The following ACVR1 variants were observed in gnomAD, a reference collection of about 807,000 sequenced individuals.
ACVR1 encodes the protein activin receptor type-1.
In ACVR1, 38 loss-of-function variants were observed where a neutral mutation model predicts 57.1. That is an observed-to-expected ratio of 0.67 (90% CI 0.51 to 0.87). The LOEUF (loss-of-function observed/expected upper bound fraction) is 0.87, where lower values mean the gene tolerates loss of function less well. Ranked by LOEUF, ACVR1 falls within the 40% of genes least tolerant of loss-of-function variation. The probability of loss-of-function intolerance (pLI) is 0.00; values close to 1 mark genes in which losing one functional copy is unlikely to be tolerated. For missense variants in ACVR1, 463 were observed against 638.2 expected (o/e 0.73, Z 2.96); for synonymous variants, 212 against 228.1 (o/e 0.93, Z 0.63).
chr2:157,795,136 A>G (rs530151899), intron 3 of ACVR1, among the ~76,000 whole-genome samples: 10 of 152,234 alleles, frequency 6.6e-5, no homozygotes, highest in African/African-American at 2.4e-4. Flanking sequence ...CAAACATCAA[A>G]TATGGGTCTA....
intron 9 of ACVR1, among the ~76,000 whole-genome samples, chr2:157,740,946 T>G (rs1415445149): frequency 2.0e-5 from 3 of 152,238 alleles, no homozygotes; most frequent in African/African-American, 4.8e-5. Flanking sequence ...CTGGCCATGC[T>G]TCTCCAAAAT....
intron 9 of ACVR1, among the ~76,000 whole-genome samples, chr2:157,740,430 T>A (rs911650047): frequency 6.6e-6 from 1 of 152,168 alleles, no homozygotes; most frequent in Non-Finnish European, 1.5e-5. Context: ...AGACACCATC[T>A]AAAATACAGC....
At chr2:157,778,418 A>T in intron 4 of ACVR1, 76 bp from the exon 5 acceptor site, 1 of 1,229,344 alleles carries the variant, frequency 8.1e-7, no homozygotes, top group Non-Finnish European at 1.2e-6. Flanking sequence ...CAATATCCTA[A>T]CAAGTAGCTC....
chr2:157,774,314 A>G, intron 5 of ACVR1, 127 bp from the exon 6 acceptor site: 1 of 749,440 alleles, frequency 1.3e-6, no homozygotes, highest in Non-Finnish European at 2.4e-6. Context: ...CTGTTAGTGT[A>G]CATGTAAAGC....
At chr2:157,800,386 C>T (rs1036259515) in intron 2 of ACVR1, among the ~76,000 whole-genome samples, 16 of 152,020 alleles carry the variant, frequency 1.1e-4, no homozygotes, top group African/African-American at 3.6e-4. Flanking sequence ...CCAGTACTTT[C>T]GGAGGCCGAG....
chr2:157,842,677 C>G (rs1689017231), intron 1 of ACVR1, among the ~76,000 whole-genome samples: 1 of 152,176 alleles, frequency 6.6e-6, no homozygotes, highest in Non-Finnish European at 1.5e-5. Flanking sequence ...GTTACAACAT[C>G]AATATTTAAG....
intron 3 of ACVR1, among the ~76,000 whole-genome samples, chr2:157,782,878 A>T (rs1686578042): frequency 2.6e-5 from 4 of 152,234 alleles, no homozygotes; most frequent in Admixed American, 6.5e-5. Context: ...CAGGATATAT[A>T]CCTAACCCAT....
At chr2:157,826,371 GA>G (rs1024578939) in intron 1 of ACVR1, among the ~76,000 whole-genome samples, 6 of 152,060 alleles carry the variant, frequency 3.9e-5, no homozygotes, top group Non-Finnish European at 7.4e-5. Context: ...TAAAATTATA[GA>G]AAAAACAGGC....
rs1559039330 is a variant in ACVR1 at position 157,757,045 on chromosome 2, A to ATATATATAT, written c.1264+3834_1264+3835insATATATATA. Reference sequence around the variant, plus strand: ...TGATATATATATATATATATATATAAAATAGAATACTACTAACCCATAAAA... The same window carrying ATATATATAT: ...TGATATATATATATATATATATATAATATATATATAATAGAATACTACTAACCCATAAAA... On this transcript the variant is annotated intron_variant, in intron 9 of 10. Transcript: ENST00000434821. Among the ~76,000 whole-genome samples the ATATATATAT allele has an allele frequency of 2.8e-4, 27 of 98,166 alleles. 1 individual carries two copies. The highest frequency in any genetic ancestry group is 5.5e-4 in the South Asian group (2 of 3,664). 64.4% of individuals were successfully genotyped at this position (98,166 alleles called of 152,430 possible). A position where few individuals can be genotyped will look rare whatever the true frequency, so the allele number is the denominator to read the frequency against.
rs77396349 is a variant in ACVR1, at chr2:157,748,091, C to T, written c.1265-9521G>A. On this transcript the variant is annotated intron_variant, in intron 9 of 10. Transcript: ENST00000434821. ...TAAACACAGGAACTACCAAGCAAGCCACCATTTGTTGAGCTAAATTTTAAA... is the reference window on the plus strand; with the variant it reads ...TAAACACAGGAACTACCAAGCAAGCTACCATTTGTTGAGCTAAATTTTAAA... Among the ~76,000 whole-genome samples the T allele has an allele frequency of 2.8e-3, 424 of 152,154 alleles. 2 individuals are homozygous for T. The highest frequency in any genetic ancestry group is 9.5e-3 in the African/African-American group (394 of 41,510).
intron 3 of ACVR1, among the ~76,000 whole-genome samples, chr2:157,798,055 C>T (rs1687183977): frequency 6.6e-6 from 1 of 152,144 alleles, no homozygotes; most frequent in African/African-American, 2.4e-5. Flanking sequence ...TTTTGATCCA[C>T]CCAGTTTCTG....
chr2:157,857,855 G>A (rs1298242695), intron 1 of ACVR1, among the ~76,000 whole-genome samples: 1 of 152,044 alleles, frequency 6.6e-6, no homozygotes, highest in Non-Finnish European at 1.5e-5. Flanking sequence ...CAAAATAAAG[G>A]GATTTTATGG....
At chr2:157,867,564 T>C (rs1167490247) in intron 1 of ACVR1, among the ~76,000 whole-genome samples, 2 of 152,130 alleles carry the variant, frequency 1.3e-5, no homozygotes, top group African/African-American at 4.8e-5. Context: ...GGCAGTTTCT[T>C]GCAGGAAGGA....
chr2:157,839,554 A>C (rs1688906933), intron 1 of ACVR1, among the ~76,000 whole-genome samples: 1 of 152,220 alleles, frequency 6.6e-6, no homozygotes. Context: ...AGACAAACAA[A>C]ACATATGTTG....
rs1238184045 is a variant in ACVR1 at position 157,770,364 on chromosome 2, T to G, written c.790+4A>C. The G allele has an allele frequency of 6.2e-7, 1 of 1,614,004 alleles. No homozygotes were observed. On this transcript the variant is annotated splice_donor_region_variant and intron_variant, in intron 7 of 10. Coordinates refer to ENST00000434821, the MANE Select transcript of ACVR1 (RefSeq NM_001111067.4). The stretch of plus-strand genomic sequence containing the variant: ...ATTAATGAGGGGGTTATCCTTGTAC[T>G]TACCTAAGATATTTTCATGCCTCAG...
At position 157,876,234 on chromosome 2, in the gene ACVR1, T is replaced by G. The variant is rs1230514256; in HGVS notation, c.-621A>C. ...GCGGGGCGGGCGGACCAGCTGGGCT[T>G]GCCCCCGGGGGCGGCGGGGGAGACC... On this transcript the variant is annotated 5_prime_UTR_variant, in exon 1 of 11. Coordinates refer to ENST00000434821, the MANE Select transcript of ACVR1 (RefSeq NM_001111067.4). Among the ~76,000 whole-genome samples the G allele has an allele frequency of 2.9e-5, 4 of 139,474 alleles. No individual in the cohort carries two copies. Among genetic ancestry groups the G allele is most frequent in the African/African-American group, 1.1e-4 (4 of 37,052 alleles). The allele number at this position is 139,474 out of a possible 152,430, so 91.5% of individuals were successfully genotyped here.
chr2:157,870,225 C>A (rs1229206691), intron 1 of ACVR1, among the ~76,000 whole-genome samples: 1 of 151,968 alleles, frequency 6.6e-6, no homozygotes, highest in South Asian at 2.1e-4. Flanking sequence ...CCAAGATCAC[C>A]CCACCTTCGT....
At position 157,774,545 on chromosome 2, in the gene ACVR1, G is replaced by A. The variant is rs140088022; in HGVS notation, c.544-358C>T. ...ACGCCCGGCTAATTTTGTATTTTTA[G>A]TAGAGACGGGGTTTCTCCATGTTGG... is the stretch of plus-strand genomic sequence containing the variant. On this transcript the variant is annotated intron_variant, in intron 5 of 10. Transcript: ENST00000434821. Among the ~76,000 whole-genome samples the A allele has an allele frequency of 6.0e-3, 910 of 151,886 alleles. 3 individuals are homozygous for A. The highest frequency in any genetic ancestry group is 0.02 in the South Asian group (94 of 4,798).
chr2:157,773,124 G>T (rs1314778614), intron 6 of ACVR1, among the ~76,000 whole-genome samples: 1 of 152,156 alleles, frequency 6.6e-6, no homozygotes, highest in Admixed American at 6.5e-5. Context: ...GGAGGGTGTG[G>T]AGAGGTTGCC....
Sources: allele counts gnomAD v4.1 joint callset (sites outside exome capture counted in the v4.1 genomes callset), GRCh38; gene constraint gnomAD v4.1.1; transcripts MANE v1.5; gene names NCBI Gene and HGNC (gene_info 2026-07-23, HGNC 2026-07-21).